KMT5B: variants seen among roughly 807,000 people sequenced by gnomAD.
KMT5B encodes lysine methyltransferase 5B, also known as histone-lysine N-methyltransferase KMT5B.
A neutral mutation model predicts 83.2 loss-of-function variants in KMT5B; 10 were observed. The ratio of observed to expected loss-of-function variants is 0.12; its 90% CI spans 0.07 to 0.20. KMT5B has a LOEUF of 0.20. Among genes scored for constraint, KMT5B ranks in the 10% least tolerant of loss-of-function variants. The pLI, the probability that KMT5B is intolerant of heterozygous loss-of-function variation, is 1.00. For missense variants in KMT5B, 753 were observed against 1,067.2 expected, an observed-to-expected ratio of 0.71 and a Z score of 4.10; for synonymous variants, 349 against 388.8, an observed-to-expected ratio of 0.90 and a Z score of 1.20.
chr11:68,184,649 C>T (rs1016578379), intron 3 of KMT5B, among the ~76,000 whole-genome samples: 5 of 152,150 alleles, frequency 3.3e-5, no homozygotes, highest in African/African-American at 7.2e-5. Flanking sequence ...AACCCCAGTC[C>T]GGGTGTGATG....
At chr11:68,172,051 C>T (rs575309310) in intron 6 of KMT5B, among the ~76,000 whole-genome samples, 1 of 152,196 alleles carries the variant, frequency 6.6e-6, no homozygotes, top group South Asian at 2.1e-4. Flanking sequence ...TTTCTGACTG[C>T]TGGATGAAGC....
rs564534734 is a variant in KMT5B, at chr11:68,201,116, G to C, written c.-76-10964C>G. Among the ~76,000 whole-genome samples, 13 of 152,316 alleles carry C rather than the reference G, an allele frequency of 8.5e-5. No homozygotes were observed. In the East Asian group the frequency reaches 1.4e-3, roughly 16 times the overall value. ...GAAAAGATTTCAAGAATGATTTCCAGTTGTATTTAAAGCGGAAACTCCTAA... is the reference window on the plus strand; with the variant it reads ...GAAAAGATTTCAAGAATGATTTCCACTTGTATTTAAAGCGGAAACTCCTAA... On this transcript the variant is annotated intron_variant, in intron 1 of 10. Coordinates refer to ENST00000304363, the MANE Select transcript of KMT5B (RefSeq NM_017635.5).
intron 1 of KMT5B, among the ~76,000 whole-genome samples, chr11:68,195,078 G>C (rs1388076744): frequency 6.6e-6 from 1 of 152,188 alleles, no homozygotes; most frequent in African/African-American, 2.4e-5. Flanking sequence ...TCAGGAGGCT[G>C]AAGTGGGAGG....
At chr11:68,159,361 T>C (rs1192344433) in intron 10 of KMT5B, among the ~76,000 whole-genome samples, 190 bp from the exon 11 acceptor site, 1 of 152,176 alleles carries the variant, frequency 6.6e-6, no homozygotes, top group Non-Finnish European at 1.5e-5. Context: ...CTTTTCTAAT[T>C]TATGGGGCAT....
In KMT5B at chr11:68,208,031, G is replaced by A. The variant is rs562444328; in HGVS notation, c.-77+5107C>T. Among the ~76,000 whole-genome samples the A allele has an allele frequency of 1.3e-4, 19 of 150,250 alleles. No homozygotes were observed. In the South Asian group the frequency reaches 3.8e-3, roughly 30 times the overall value. ...TTTTTGTATTTTCAGTAGAGACAGCGTTTCACCATGTTGGCCAGGATGGTC... is the reference window on the plus strand; with the variant it reads ...TTTTTGTATTTTCAGTAGAGACAGCATTTCACCATGTTGGCCAGGATGGTC... On this transcript the variant is annotated intron_variant, in intron 1 of 10. Transcript: ENST00000304363.
intron 4 of KMT5B, 105 bp downstream of exon 4, chr11:68,180,027 A>C: frequency 1.5e-6 from 2 of 1,331,542 alleles, no homozygotes; most frequent in Non-Finnish European, 1.0e-6. Flanking sequence ...ATGTTCTAAA[A>C]CTCTAATTTA....
chr11:68,212,917 G>A (rs1479487727), intron 1 of KMT5B, among the ~76,000 whole-genome samples: 1 of 143,346 alleles, frequency 7.0e-6, no homozygotes, highest in African/African-American at 2.5e-5. Flanking sequence ...GCTCCCTTCC[G>A]GCCGCGGCCA....
intron 2 of KMT5B, chr11:68,189,594 T>A (rs1390010824): frequency 5.4e-6 from 1 of 184,582 alleles, no homozygotes; most frequent in African/African-American, 2.3e-5. Context: ...ATTAAAAAAA[T>A]ACAGGTTAAC....
intron 3 of KMT5B, among the ~76,000 whole-genome samples, chr11:68,182,062 G>C (rs967343594): frequency 1.3e-5 from 2 of 152,184 alleles, no homozygotes; most frequent in Non-Finnish European, 2.9e-5. Flanking sequence ...AGTTTAACCA[G>C]CTTTAATTTT....
Position 68,213,232 on chromosome 11 carries a change from G to A in KMT5B, c.-171C>T, listed in dbSNP as rs1490753733. On this transcript the variant is annotated 5_prime_UTR_variant, in exon 1 of 11. Coordinates refer to ENST00000304363, the MANE Select transcript of KMT5B (RefSeq NM_017635.5). Reference sequence around the variant, plus strand: ...CCGCGCCGCCGGGCCCCGCGTCCCAGTCCCCCCCAGAAAATTAATCACCAA... The same window carrying A: ...CCGCGCCGCCGGGCCCCGCGTCCCAATCCCCCCCAGAAAATTAATCACCAA... 1.4e-5 allele frequency: 2 copies of A among 144,928 alleles called. No individual in the cohort carries two copies. The highest frequency in any genetic ancestry group is 2.1e-4 in the South Asian group (1 of 4,726). The allele number at this position is 144,928 out of a possible 1,614,324, so 9.0% of individuals were successfully genotyped here.
At chr11:68,167,259 C>T in intron 9 of KMT5B, 81 bp from the exon 10 acceptor site, 3 of 1,498,568 alleles carry the variant, frequency 2.0e-6, no homozygotes, top group South Asian at 1.3e-5. Context: ...TACTTGGCTA[C>T]AGGTTAACAG....
intron 1 of KMT5B, among the ~76,000 whole-genome samples, chr11:68,205,927 C>T (rs545092590): frequency 2.2e-4 from 33 of 152,224 alleles, no homozygotes; most frequent in Admixed American, 1.2e-3. Flanking sequence ...GCCAGACGTT[C>T]GCAATTCTTA....
At chr11:68,209,134 A>T (rs1318635449) in intron 1 of KMT5B, among the ~76,000 whole-genome samples, 2 of 152,216 alleles carry the variant, frequency 1.3e-5, no homozygotes, top group African/African-American at 4.8e-5. Flanking sequence ...ATGCAACATA[A>T]ACATTGCCTC....
intron 1 of KMT5B, among the ~76,000 whole-genome samples, chr11:68,210,253 G>A (rs983018987): frequency 1.3e-5 from 2 of 151,962 alleles, no homozygotes; most frequent in Non-Finnish European, 1.5e-5. Context: ...CTTTGGGGGG[G>A]GGGACACTGA....
rs1455047125 is a variant in KMT5B, at chr11:68,175,172, A to T, written c.389T>A (p.Ile130Asn). 4 of 1,612,518 alleles carry T rather than the reference A, an allele frequency of 2.5e-6. No homozygotes were observed. In the South Asian group the frequency reaches 4.4e-5, roughly 18 times the overall value. The change falls in exon 5 of 11, where the codon ATT (isoleucine) becomes AAT (asparagine). Residue 130 changes from isoleucine to asparagine, a missense_variant. By Grantham distance (149) the Ile-to-Asn change is moderately radical. Coordinates refer to ENST00000304363, the MANE Select transcript of KMT5B (RefSeq NM_017635.5). ...SHNNPVRFRP[I>N]KGRQEELKEV... ...CTTTAGTTCTTCCTGCCTTCCTTTA[A>T]TAGGCCTAAATCTGAAAGAAATCAA...
intron 4 of KMT5B, 149 bp from the exon 5 acceptor site, chr11:68,175,332 G>C (rs921600756): frequency 4.2e-5 from 24 of 573,842 alleles, no homozygotes; most frequent in African/African-American, 4.1e-4. Context: ...ACAATCAATA[G>C]TCTTGATTAC....
At chr11:68,213,107 C>T (rs1861177990) in intron 1 of KMT5B, 31 bp downstream of exon 1, 1 of 139,928 alleles carries the variant, frequency 7.1e-6, no homozygotes, top group African/African-American at 2.6e-5. Flanking sequence ...CCCGCACACC[C>T]TCGCCGGCGC....
At chr11:68,204,813 C>T (rs919750698) in intron 1 of KMT5B, among the ~76,000 whole-genome samples, 8 of 152,028 alleles carry the variant, frequency 5.3e-5, no homozygotes, top group African/African-American at 1.7e-4. Context: ...GATGGGGTTT[C>T]GCCATGTTGG....
At chr11:68,197,638 C>T (rs1483464653) in intron 1 of KMT5B, among the ~76,000 whole-genome samples, 1 of 152,100 alleles carries the variant, frequency 6.6e-6, no homozygotes, top group Admixed American at 6.6e-5. Flanking sequence ...GGTTAATGAT[C>T]CAAACTGGAA....
Sources: gnomAD v4.1 joint callset for allele counts (sites outside exome capture counted in the v4.1 genomes callset) on GRCh38, gnomAD v4.1.1 for gene constraint, MANE v1.5 for transcripts, NCBI Gene and HGNC (gene_info 2026-07-23, HGNC 2026-07-21) for gene names.